RGS22: variants seen among roughly 807,000 people sequenced by gnomAD.
RGS22 encodes regulator of G protein signaling 22.
RGS22 carries 148 observed loss-of-function variants against 172.9 expected under a neutral mutation model. The observed-to-expected ratio is 0.86, with a 90% CI of 0.75 to 0.98. The LOEUF is 0.98. RGS22 is among the 50% of genes least tolerant of loss of function. The pLI is 0.00. For synonymous variants in RGS22, 458 were observed against 480.2 expected (o/e 0.95, Z 0.60); for missense variants, 1,347 against 1,440.8 (o/e 0.93, Z 1.05).
At chr8:100,019,667 G>A (rs1287648546) in intron 14 of RGS22, among the ~76,000 whole-genome samples, 1 of 152,078 alleles carries the variant, frequency 6.6e-6, no homozygotes, top group East Asian at 1.9e-4. Context: ...CAGAGATTAG[G>A]AGAAAACATT....
intron 3 of RGS22, chr8:100,091,765 C>A (rs1028080121): frequency 2.6e-5 from 4 of 152,026 alleles, no homozygotes; most frequent in African/African-American, 9.7e-5. Flanking sequence ...GTGGAGATTG[C>A]AGAGCCCACA....
intron 3 of RGS22, among the ~76,000 whole-genome samples, chr8:100,085,657 G>A (rs1034002422): frequency 3.9e-5 from 6 of 152,150 alleles, no homozygotes; most frequent in Admixed American, 3.3e-4. Flanking sequence ...TACACAAAAT[G>A]TGTATGTTTA....
intron 9 of RGS22, among the ~76,000 whole-genome samples, chr8:100,060,402 G>GTATATATATATATATATATATA (rs72050805): frequency 0.015 from 1,527 of 102,188 alleles, 84 homozygotes; most frequent in Admixed American, 0.048. Flanking sequence ...TTAGCTACGT[G>GTATATATATATATATATATATA]TATATATATA....
chr8:100,051,594 AATATATATTTATATATGTTTAT>A (rs1821369360), intron 10 of RGS22, among the ~76,000 whole-genome samples: 2 of 28,834 alleles, frequency 6.9e-5, no homozygotes, highest in African/African-American at 3.4e-4. Flanking sequence ...TACATATATA[AATATATATTTATATATGTTTAT>A]ACATATATAA....
At chr8:99,984,857 A>C (rs541849910) in intron 21 of RGS22, among the ~76,000 whole-genome samples, 3 of 152,116 alleles carry the variant, frequency 2.0e-5, no homozygotes, top group East Asian at 3.9e-4. Context: ...TTTAGTAGCT[A>C]GTTTTTAAAA....
chr8:99,961,712 G>A (rs1810216116), intron 27 of RGS22, among the ~76,000 whole-genome samples: 1 of 152,132 alleles, frequency 6.6e-6, no homozygotes, highest in South Asian at 2.1e-4. Context: ...AAATGTTAGG[G>A]AGACTATGAG....
At chr8:100,096,285 A>C (rs1445213856) in intron 2 of RGS22, among the ~76,000 whole-genome samples, 1 of 152,232 alleles carries the variant, frequency 6.6e-6, no homozygotes, top group Non-Finnish European at 1.5e-5. Flanking sequence ...TGGTACAATC[A>C]AGAAGAAAAT....
intron 14 of RGS22, among the ~76,000 whole-genome samples, chr8:100,026,529 T>G (rs906259562): frequency 1.3e-5 from 2 of 152,132 alleles, no homozygotes; most frequent in Non-Finnish European, 2.9e-5. Context: ...AGGACTGACT[T>G]ATTTGTCATG....
intron 2 of RGS22, among the ~76,000 whole-genome samples, chr8:100,100,671 G>C (rs1003479793): frequency 6.6e-6 from 1 of 152,184 alleles, no homozygotes; most frequent in African/African-American, 2.4e-5. Context: ...CTATGTTACT[G>C]TATGTTAAAA....
At chr8:100,021,440 G>T (rs545921500) in intron 14 of RGS22, among the ~76,000 whole-genome samples, 1 of 152,314 alleles carries the variant, frequency 6.6e-6, no homozygotes, top group South Asian at 2.1e-4. Context: ...ATCAGAAGAG[G>T]TAAGAGTTTA....
intron 7 of RGS22, 60 bp downstream of exon 7, chr8:100,066,106 GA>G (rs1048377523): frequency 6.5e-7 from 1 of 1,540,926 alleles, no homozygotes; most frequent in Non-Finnish European, 8.9e-7. Context: ...TGTAAAATTA[GA>G]ACAAACAAAC....
intron 23 of RGS22, among the ~76,000 whole-genome samples, chr8:99,967,092 G>A (rs987728100): frequency 3.3e-5 from 5 of 152,162 alleles, no homozygotes; most frequent in African/African-American, 7.2e-5. Context: ...AGCAGGGTGG[G>A]GTGTTGCCTC....
intron 9 of RGS22, among the ~76,000 whole-genome samples, chr8:100,056,004 A>C (rs536533591): frequency 7.0e-4 from 107 of 152,336 alleles, no homozygotes; most frequent in Non-Finnish European, 1.1e-3. Context: ...TCAGAAGAAG[A>C]TAGCAAGATG....
At chr8:100,057,620 A>G (rs113613221) in intron 9 of RGS22, among the ~76,000 whole-genome samples, 98 of 152,288 alleles carry the variant, frequency 6.4e-4, no homozygotes, top group African/African-American at 2.2e-3. Context: ...CCCCTGCACA[A>G]GCTGTCTTGC....
At chr8:100,049,981 G>A (rs1165862368) in intron 10 of RGS22, among the ~76,000 whole-genome samples, 5 of 151,594 alleles carry the variant, frequency 3.3e-5, no homozygotes, top group Non-Finnish European at 7.4e-5. Flanking sequence ...CCTGGGAGGC[G>A]GAGGTTGTGG....
chr8:100,077,129 G>A (rs1255432831), intron 4 of RGS22, among the ~76,000 whole-genome samples: 1 of 151,560 alleles, frequency 6.6e-6, no homozygotes, highest in Non-Finnish European at 1.5e-5. Flanking sequence ...TCTGATATTG[G>A]GCATGTATAT....
intron 4 of RGS22, among the ~76,000 whole-genome samples, chr8:100,076,979 C>T (rs1306066502): frequency 1.3e-5 from 2 of 151,316 alleles, no homozygotes; most frequent in East Asian, 1.9e-4. Context: ...GGCATCAGAG[C>T]GAGACCCTGT....
chr8:100,008,696 A>C, intron 14 of RGS22, 127 bp from the exon 15 acceptor site: 1 of 638,704 alleles, frequency 1.6e-6, no homozygotes, highest in Non-Finnish European at 2.7e-6. Context: ...TTTTTCTTGA[A>C]AATATGGGTA....
chr8:100,055,371 T>G (rs1822136117), intron 9 of RGS22, among the ~76,000 whole-genome samples: 1 of 152,154 alleles, frequency 6.6e-6, no homozygotes, highest in African/African-American at 2.4e-5. Flanking sequence ...CTCCCAGATA[T>G]TGTCCGAGAC....
Sources: allele counts gnomAD v4.1 joint callset (sites outside exome capture counted in the v4.1 genomes callset), GRCh38; gene constraint gnomAD v4.1.1; transcripts MANE v1.5; gene names NCBI Gene and HGNC (gene_info 2026-07-23, HGNC 2026-07-21).